Variants in LPP observed in about 807,000 individuals in gnomAD.
LPP encodes LIM domain containing preferred translocation partner in lipoma.
LPP carries 38 observed loss-of-function variants against 60.4 expected under a neutral mutation model. The observed-to-expected ratio is 0.63, with a 90% CI of 0.49 to 0.83. The LOEUF is 0.83. Ranked by LOEUF, LPP falls within the 40% of genes least tolerant of loss-of-function variation. The pLI is 0.00. For missense variants in LPP, 902 were observed against 783.6 expected, an observed-to-expected ratio of 1.15 and a Z score of -1.80; for synonymous variants, 328 against 290.8, an observed-to-expected ratio of 1.13 and a Z score of -1.30.
chr3:188,189,468 TG>T (rs1727533365), intron 1 of LPP, among the ~76,000 whole-genome samples: 1 of 152,184 alleles, frequency 6.6e-6, no homozygotes, highest in South Asian at 2.1e-4. Context: ...GGCCACGCTG[TG>T]GTTTCTGATA....
chr3:188,313,330 G>C (rs1047031928), intron 2 of LPP, among the ~76,000 whole-genome samples: 3 of 151,674 alleles, frequency 2.0e-5, no homozygotes, highest in African/African-American at 7.3e-5. Context: ...ATTTTTCATT[G>C]ACCTTTATAA....
chr3:188,497,107 G>A (rs1248916115), intron 5 of LPP, among the ~76,000 whole-genome samples: 1 of 151,732 alleles, frequency 6.6e-6, no homozygotes, highest in Non-Finnish European at 1.5e-5. Context: ...TAAAAATTTG[G>A]TTTATGAGAG....
At chr3:188,428,397 T>G (rs1179771822) in intron 4 of LPP, among the ~76,000 whole-genome samples, 1 of 152,110 alleles carries the variant, frequency 6.6e-6, no homozygotes, top group Non-Finnish European at 1.5e-5. Flanking sequence ...TTCTTTTACT[T>G]TGGGACTTGG....
chr3:188,306,788 G>T (rs1751683060), intron 2 of LPP, among the ~76,000 whole-genome samples: 1 of 152,150 alleles, frequency 6.6e-6, no homozygotes, highest in South Asian at 2.1e-4. Context: ...AGATTTTTAT[G>T]TAAACTCTTT....
intron 2 of LPP, among the ~76,000 whole-genome samples, chr3:188,243,640 C>T (rs550452917): frequency 2.0e-5 from 3 of 152,232 alleles, no homozygotes; most frequent in South Asian, 2.1e-4. Context: ...CTATCACTTG[C>T]AGGCTATGAG....
intron 5 of LPP, among the ~76,000 whole-genome samples, chr3:188,498,238 A>G (rs1436175517): frequency 6.6e-6 from 1 of 152,166 alleles, no homozygotes; most frequent in Non-Finnish European, 1.5e-5. Flanking sequence ...TGTTCTGTTC[A>G]GTAGCAATAT....
At chr3:188,418,973 T>G (rs1787070700) in intron 4 of LPP, among the ~76,000 whole-genome samples, 1 of 152,214 alleles carries the variant, frequency 6.6e-6, no homozygotes, top group East Asian at 1.9e-4. Context: ...TCGTCATTAT[T>G]TTTATTATTG....
chr3:188,698,333 T>C (rs552351882), intron 7 of LPP, among the ~76,000 whole-genome samples: 2 of 152,264 alleles, frequency 1.3e-5, no homozygotes, highest in South Asian at 4.1e-4. Flanking sequence ...ATGGAAATAA[T>C]GTCTTGGAAT....
intron 9 of LPP, among the ~76,000 whole-genome samples, chr3:188,832,262 C>T (rs1419979172): frequency 2.0e-5 from 3 of 152,226 alleles, no homozygotes; most frequent in Admixed American, 2.0e-4. Flanking sequence ...AATAAGTGAC[C>T]ATATGAGAGA....
chr3:188,262,918 C>T (rs1734182958), intron 2 of LPP, among the ~76,000 whole-genome samples: 1 of 151,832 alleles, frequency 6.6e-6, no homozygotes, highest in Admixed American at 6.6e-5. Context: ...GTGATGCCTC[C>T]TTACTAGGTC....
intron 4 of LPP, among the ~76,000 whole-genome samples, chr3:188,418,523 C>G (rs1329745568): frequency 6.6e-6 from 1 of 152,100 alleles, no homozygotes; most frequent in Non-Finnish European, 1.5e-5. Context: ...CTCCTAAATC[C>G]AAGTCTGTAG....
At chr3:188,709,444 C>G (rs986075427) in intron 8 of LPP, 4 of 152,228 alleles carry the variant, frequency 2.6e-5, no homozygotes, top group African/African-American at 9.7e-5. Flanking sequence ...GCAACCTCCA[C>G]CTCCGGATTT....
chr3:188,393,197 A>G (rs1229063653), intron 3 of LPP, among the ~76,000 whole-genome samples: 1 of 152,048 alleles, frequency 6.6e-6, no homozygotes, highest in Non-Finnish European at 1.5e-5. Flanking sequence ...TTATTTTAAG[A>G]AAAAGTGACA....
chr3:188,525,598 T>C (rs1166932048), intron 6 of LPP, among the ~76,000 whole-genome samples: 3 of 152,248 alleles, frequency 2.0e-5, no homozygotes, highest in Non-Finnish European at 4.4e-5. Context: ...GTGATTTTCA[T>C]TATTTTTGTC....
chr3:188,406,571 T>G (rs1321364231), intron 4 of LPP, among the ~76,000 whole-genome samples: 1 of 152,184 alleles, frequency 6.6e-6, no homozygotes, highest in Non-Finnish European at 1.5e-5. Context: ...CCTGGCCTCT[T>G]TAGTCACAGC....
chr3:188,672,495 G>C lies in LPP; in HGVS notation c.1114-35772G>C, dbSNP rs114226490. ...AGGGTTAAAGGACTGGAGTAAAAATGCTATTTATCTTTACCCCTTCTTCAC... is the reference window on the plus strand; with the variant it reads ...AGGGTTAAAGGACTGGAGTAAAAATCCTATTTATCTTTACCCCTTCTTCAC... On this transcript the variant is annotated intron_variant, in intron 7 of 11. Coordinates refer to ENST00000617246, the MANE Select transcript of LPP (RefSeq NM_001375462.1). Among the ~76,000 whole-genome samples, 623 of 152,262 alleles carry C rather than the reference G, an allele frequency of 4.1e-3. 5 individuals are homozygous for C. The highest frequency in any genetic ancestry group is 0.014 in the African/African-American group (592 of 41,562).
At chr3:188,469,337 CCGGTTGTGG>C (rs747352628) in intron 4 of LPP, among the ~76,000 whole-genome samples, 8 of 566 alleles carry the variant, frequency 0.014, no homozygotes, top group East Asian at 0.038. Context: ...GTCTGATTGC[CCGGTTGTGG>C]TGGTTGTGGT....
chr3:188,574,483 C>A (rs1834165904), intron 6 of LPP, among the ~76,000 whole-genome samples: 1 of 152,110 alleles, frequency 6.6e-6, no homozygotes, highest in African/African-American at 2.4e-5. Flanking sequence ...TTCCAGTGTG[C>A]TGCATTTTAA....
At chr3:188,669,155 A>G (rs2149229151) in intron 7 of LPP, among the ~76,000 whole-genome samples, 1 of 152,308 alleles carries the variant, frequency 6.6e-6, no homozygotes, top group East Asian at 1.9e-4. Context: ...CAAGAGGACC[A>G]TGACACTGAA....
Sources: allele counts gnomAD v4.1 joint callset (sites outside exome capture counted in the v4.1 genomes callset), GRCh38; gene constraint gnomAD v4.1.1; transcripts MANE v1.5; gene names NCBI Gene and HGNC (gene_info 2026-07-23, HGNC 2026-07-21).